The following SORCS2 variants were observed in gnomAD, a reference collection of about 807,000 sequenced individuals.
SORCS2 encodes sortilin related VPS10 domain containing receptor 2.
In SORCS2, 100 loss-of-function variants were observed where a neutral mutation model predicts 141.6. The ratio of observed to expected loss-of-function variants is 0.71; its 90% CI spans 0.60 to 0.83. The LOEUF (loss-of-function observed/expected upper bound fraction) is 0.83. Ranked by LOEUF, SORCS2 falls within the 40% of genes least tolerant of loss-of-function variation. The probability of loss-of-function intolerance (pLI) is 0.00; values close to 1 mark genes in which losing one functional copy is unlikely to be tolerated. For synonymous variants in SORCS2, 789 were observed against 676.9 expected, an observed-to-expected ratio of 1.17 and a Z score of -2.57; for missense variants, 1,646 against 1,560.2, an observed-to-expected ratio of 1.05 and a Z score of -0.93.
In SORCS2 at chr4:7,423,926, C is replaced by T. The variant is rs564730011; in HGVS notation, c.548+27571C>T. On this transcript the variant is annotated intron_variant, in intron 2 of 26. Transcript: ENST00000507866. ...AAGCTGCCAAAGTGACATCATCACA[C>T]GCGGTGTTGGGAAGAGGCACACTCC... is the stretch of plus-strand genomic sequence containing the variant. Among the ~76,000 whole-genome samples the T allele has an allele frequency of 8.3e-4, 127 of 152,246 alleles. 1 individual carries two copies. The highest frequency in any genetic ancestry group is 2.9e-3 in the African/African-American group (121 of 41,550).
At chr4:7,389,572 A>T (rs543420353) in intron 1 of SORCS2, among the ~76,000 whole-genome samples, 5 of 151,958 alleles carry the variant, frequency 3.3e-5, no homozygotes, top group African/African-American at 1.2e-4. Context: ...TCATTCTGAC[A>T]CTCCCTGTGT....
In SORCS2 at chr4:7,741,427, T is replaced by C. The variant is rs1419188627; in HGVS notation, c.*1163T>C. The stretch of plus-strand genomic sequence containing the variant: ...TTTCCTAGAATCAGGGATGTTAGTG[T>C]AAGTCTATAGGAATATAGGGGGGTG... On this transcript the variant is annotated 3_prime_UTR_variant, in exon 27 of 27. Transcript: ENST00000507866. 5.7e-6 allele frequency: 1 copy of C among 176,316 alleles called. No individual in the cohort carries two copies. Among genetic ancestry groups the C allele is most frequent in the Non-Finnish European group, 1.0e-5 (1 of 97,134 alleles). 10.9% of individuals were successfully genotyped at this position (176,316 alleles called of 1,614,324 possible).
intron 2 of SORCS2, among the ~76,000 whole-genome samples, chr4:7,420,682 G>A (rs569048892): frequency 6.6e-6 from 1 of 152,036 alleles, no homozygotes; most frequent in Admixed American, 6.5e-5. Flanking sequence ...CCTGAGCCCC[G>A]TGCCCCATCT....
intron 3 of SORCS2, among the ~76,000 whole-genome samples, chr4:7,555,640 T>G (rs1430522921): frequency 4.6e-5 from 7 of 152,164 alleles, no homozygotes; most frequent in Non-Finnish European, 1.5e-5. Context: ...GACGTTGATT[T>G]AAAAAAATGC....
intron 11 of SORCS2, 130 bp downstream of exon 11, chr4:7,689,718 C>A: frequency 1.2e-6 from 1 of 802,260 alleles, no homozygotes; most frequent in Non-Finnish European, 1.9e-6. Context: ...AGTACCACTG[C>A]ATCTCCAGGA....
At chr4:7,509,205 C>A (rs542545409) in intron 2 of SORCS2, among the ~76,000 whole-genome samples, 1 of 152,182 alleles carries the variant, frequency 6.6e-6, no homozygotes, top group Non-Finnish European at 1.5e-5. Context: ...TTCGCTGCCC[C>A]CCCAGAGCAA....
Position 7,349,859 on chromosome 4 carries a change from T to C in SORCS2, c.481-46429T>C, listed in dbSNP as rs1577430847. Among the ~76,000 whole-genome samples, 3 of 152,324 alleles carry C rather than the reference T, an allele frequency of 2.0e-5. No homozygotes were observed. The South Asian group carries it at 6.2e-4, about 32-fold the overall frequency. ...TAACTGGACATAACGCCCCTAGAGC[T>C]GCATCTCCAAACAAGGGATGAAACA... is the stretch of plus-strand genomic sequence containing the variant. On this transcript the variant is annotated intron_variant, in intron 1 of 26. Coordinates refer to ENST00000507866, the MANE Select transcript of SORCS2 (RefSeq NM_020777.3).
chr4:7,222,767 C>G (rs1025133416), intron 1 of SORCS2, among the ~76,000 whole-genome samples: 1 of 151,786 alleles, frequency 6.6e-6, no homozygotes, highest in South Asian at 2.1e-4. Context: ...AGGGCTGGGG[C>G]GTACAGATCT....
intron 1 of SORCS2, among the ~76,000 whole-genome samples, chr4:7,302,039 G>A (rs1241526737): frequency 6.6e-6 from 1 of 152,212 alleles, no homozygotes; most frequent in South Asian, 2.1e-4. Flanking sequence ...TTGGGCAGTG[G>A]GTGGGTAGGC....
chr4:7,508,877 G>A (rs1270460496), intron 2 of SORCS2, among the ~76,000 whole-genome samples: 1 of 152,202 alleles, frequency 6.6e-6, no homozygotes, highest in South Asian at 2.1e-4. Context: ...CCAAAAAAGG[G>A]AAGGCTAAAA....
At chr4:7,607,764 G>A (rs1038120825) in intron 3 of SORCS2, among the ~76,000 whole-genome samples, 1 of 152,046 alleles carries the variant, frequency 6.6e-6, no homozygotes, top group African/African-American at 2.4e-5. Context: ...TTGATGAGGG[G>A]GTCAGTGTTC....
chr4:7,522,212 C>A (rs938887148), intron 2 of SORCS2, among the ~76,000 whole-genome samples: 8 of 152,114 alleles, frequency 5.3e-5, no homozygotes, highest in African/African-American at 1.9e-4. Flanking sequence ...GGGAGTGGGG[C>A]GAGCAGGGGC....
chr4:7,392,606 A>G (rs7673490), intron 1 of SORCS2, among the ~76,000 whole-genome samples: 146,748 of 152,172 alleles, frequency 0.96, 70,839 homozygotes, highest in East Asian at 1. Context: ...ATTCCAAAGA[A>G]GCTGAGGTCT....
At chr4:7,218,959 G>A (rs1407216953) in intron 1 of SORCS2, among the ~76,000 whole-genome samples, 1 of 152,098 alleles carries the variant, frequency 6.6e-6, no homozygotes, top group African/African-American at 2.4e-5. Flanking sequence ...CCGTGCACTC[G>A]GCCATGCTGT....
chr4:7,396,906 G>A (rs1724249446), intron 2 of SORCS2, among the ~76,000 whole-genome samples: 1 of 152,176 alleles, frequency 6.6e-6, no homozygotes, highest in Admixed American at 6.5e-5. Context: ...TGAGAAAGAA[G>A]GAGGATTTGA....
intron 2 of SORCS2, among the ~76,000 whole-genome samples, chr4:7,441,006 A>G (rs1727625906): frequency 6.6e-6 from 1 of 151,652 alleles, no homozygotes; most frequent in African/African-American, 2.4e-5. Flanking sequence ...ACCGTGGGGG[A>G]AGGTGGAGAT....
intron 3 of SORCS2, among the ~76,000 whole-genome samples, chr4:7,563,883 G>C (rs564653035): frequency 6.6e-6 from 1 of 152,224 alleles, no homozygotes; most frequent in South Asian, 2.1e-4. Context: ...AGCAATGTAA[G>C]TGAGAACAAT....
At chr4:7,420,209 C>T (rs4689743) in intron 2 of SORCS2, among the ~76,000 whole-genome samples, 76,488 of 152,046 alleles carry the variant, frequency 0.5, 19,602 homozygotes, top group Middle Eastern at 0.62. Context: ...CCCAGCTGGC[C>T]CCAGTAGAAA....
intron 3 of SORCS2, among the ~76,000 whole-genome samples, chr4:7,548,996 G>A (rs895694902): frequency 1.1e-4 from 16 of 152,080 alleles, no homozygotes; most frequent in Non-Finnish European, 2.2e-4. Flanking sequence ...GGCTTGGGTC[G>A]CATGTTATCC....
Sources: gnomAD v4.1 joint callset for allele counts (sites outside exome capture counted in the v4.1 genomes callset) on GRCh38, gnomAD v4.1.1 for gene constraint, MANE v1.5 for transcripts, NCBI Gene and HGNC (gene_info 2026-07-23, HGNC 2026-07-21) for gene names.